Variants in NCOA1 observed in about 807,000 individuals in gnomAD.
NCOA1 encodes nuclear receptor coactivator 1, also known as Hin-2 protein.
Under a neutral mutation model 150.9 loss-of-function variants are expected in NCOA1, and 35 were observed. The ratio of observed to expected loss-of-function variants is 0.23; its 90% CI spans 0.18 to 0.31. The LOEUF (loss-of-function observed/expected upper bound fraction) is 0.31. NCOA1 is among the 10% of genes least tolerant of loss of function. The pLI, the probability that NCOA1 is intolerant of heterozygous loss-of-function variation, is 1.00. For synonymous variants in NCOA1, 590 were observed against 630.0 expected (o/e 0.94, Z 0.95); for missense variants, 1,491 against 1,749.3 (o/e 0.85, Z 2.63).
chr2:24,738,591 A>G (rs1663444246), intron 17 of NCOA1, among the ~76,000 whole-genome samples: 1 of 152,220 alleles, frequency 6.6e-6, no homozygotes, highest in African/African-American at 2.4e-5. Flanking sequence ...GATGTTAGAA[A>G]AAAAGGTTCA....
Position 24,543,387 on chromosome 2 carries a change from A to C in NCOA1, c.-395-20908A>C, listed in dbSNP as rs11692528. Among the ~76,000 whole-genome samples, 33 of 152,086 alleles carry C rather than the reference A, an allele frequency of 2.2e-4. 1 individual carries two copies. Among genetic ancestry groups the C allele is most frequent in the Non-Finnish European group, 1.0e-4 (7 of 68,012 alleles). On this transcript the variant is annotated intron_variant, in intron 1 of 22. Transcript: ENST00000348332. ...TATTTGTGAGGGATCTGCCCCCATGACCCAAACACCTTCCACCAGGCCCTG... is the reference window on the plus strand; with the variant it reads ...TATTTGTGAGGGATCTGCCCCCATGCCCCAAACACCTTCCACCAGGCCCTG...
chr2:24,574,898 C>A (rs987703535), intron 2 of NCOA1, among the ~76,000 whole-genome samples: 1 of 151,998 alleles, frequency 6.6e-6, no homozygotes, highest in African/African-American at 2.4e-5. Context: ...CCTCTTCTGG[C>A]AGTCTTTAAC....
At chr2:24,589,354 C>G (rs1667548638) in intron 3 of NCOA1, among the ~76,000 whole-genome samples, 1 of 152,196 alleles carries the variant, frequency 6.6e-6, no homozygotes, top group African/African-American at 2.4e-5. Flanking sequence ...CTGGTATTCT[C>G]TCTTCCAGGC....
intron 14 of NCOA1, among the ~76,000 whole-genome samples, chr2:24,714,290 ATAT>A (rs1230038064): frequency 1.3e-5 from 2 of 152,230 alleles, no homozygotes; most frequent in Non-Finnish European, 2.9e-5. Flanking sequence ...CAGCAGCATT[ATAT>A]TCATAATTTC....
At position 24,673,813 on chromosome 2, in the gene NCOA1, T is replaced by C. The variant is rs566300805; in HGVS notation, c.354+350T>C. Among the ~76,000 whole-genome samples the C allele has an allele frequency of 5.3e-5, 8 of 152,314 alleles. No homozygotes were observed. The South Asian group carries it at 1.7e-3, about 32-fold the overall frequency. On this transcript the variant is annotated intron_variant, in intron 7 of 22. Transcript: ENST00000348332. The stretch of plus-strand genomic sequence containing the variant: ...GCTAGTGTTATCTATATGTATACCA[T>C]AGAATTTTACTTTTGAATGAAGGAT...
chr2:24,633,144 A>G (rs891859673), intron 3 of NCOA1, among the ~76,000 whole-genome samples: 1 of 152,118 alleles, frequency 6.6e-6, no homozygotes, highest in African/African-American at 2.4e-5. Flanking sequence ...ATACATATGC[A>G]TACACACACA....
intron 2 of NCOA1, among the ~76,000 whole-genome samples, chr2:24,567,309 A>C (rs1202405753): frequency 6.6e-6 from 1 of 152,216 alleles, no homozygotes; most frequent in African/African-American, 2.4e-5. Context: ...TGATGATTAA[A>C]TATATAGTTC....
chr2:24,658,695 C>T lies in NCOA1; in HGVS notation c.18C>T (p.Asp6=). The change falls in exon 5 of 23, where the codon GAC becomes GAT. Residue 6 remains aspartate, a synonymous_variant. Coordinates refer to ENST00000348332, the MANE Select transcript of NCOA1 (RefSeq NM_003743.5). ...TTTTCAACATGAGTGGCCTCGGGGA[C>T]AGTTCATCCGACCCTGCTAACCCAG... is the stretch of plus-strand genomic sequence containing the variant. MSGLG[D]SSSDPANPDS... 1.2e-6 allele frequency: 2 copies of T among 1,614,006 alleles called. No individual in the cohort carries two copies. The highest frequency in any genetic ancestry group is 8.5e-7 in the Non-Finnish European group (1 of 1,179,948).
At chr2:24,746,972 C>A (rs1469056042) in intron 19 of NCOA1, among the ~76,000 whole-genome samples, 2 of 152,054 alleles carry the variant, frequency 1.3e-5, no homozygotes, top group East Asian at 3.9e-4. Context: ...AAAGAAAAAA[C>A]TGTAAAGTCT....
chr2:24,534,367 C>T (rs1317056656), intron 1 of NCOA1, among the ~76,000 whole-genome samples: 4 of 151,090 alleles, frequency 2.6e-5, no homozygotes, highest in Non-Finnish European at 4.4e-5. Context: ...AGAGGACTAT[C>T]AATTTTGTTG....
intron 1 of NCOA1, among the ~76,000 whole-genome samples, chr2:24,532,342 C>G (rs996063924): frequency 2.0e-5 from 3 of 151,620 alleles, no homozygotes; most frequent in Non-Finnish European, 2.9e-5. Flanking sequence ...TTTGTAGATT[C>G]TGGATATTAG....
At chr2:24,600,979 A>G (rs57371977) in intron 3 of NCOA1, among the ~76,000 whole-genome samples, 6,481 of 152,198 alleles carry the variant, frequency 0.043, 214 homozygotes, top group African/African-American at 0.093. Flanking sequence ...AGTACATGTT[A>G]TTATCTTACA....
chr2:24,762,038 T>C (rs1231254995), intron 21 of NCOA1, among the ~76,000 whole-genome samples: 1 of 152,258 alleles, frequency 6.6e-6, no homozygotes, highest in African/African-American at 2.4e-5. Flanking sequence ...CAGAGCTCTC[T>C]CTGATATTCT....
chr2:24,572,811 A>AGTT (rs1666794762), intron 2 of NCOA1, among the ~76,000 whole-genome samples: 1 of 152,194 alleles, frequency 6.6e-6, no homozygotes, highest in African/African-American at 2.4e-5. Flanking sequence ...TCCAAAGGCC[A>AGTT]GTTATTATTA....
chr2:24,520,215 C>T (rs924649747), intron 1 of NCOA1, among the ~76,000 whole-genome samples: 1 of 152,060 alleles, frequency 6.6e-6, no homozygotes, highest in Admixed American at 6.5e-5. Flanking sequence ...TAAACATATA[C>T]TTAACATGTG....
intron 2 of NCOA1, among the ~76,000 whole-genome samples, chr2:24,578,800 T>TA (rs1046191176): frequency 6.6e-6 from 1 of 151,900 alleles, no homozygotes; most frequent in Middle Eastern, 3.4e-3. Context: ...AAATAAAGAA[T>TA]AAAAAAAAGC....
chr2:24,673,369 AATC>A lies in NCOA1; in HGVS notation c.262_264del (p.Ser88del). ...TTTTTAAGTTTCTTTATTATAGAGA[AATC>A]AACAACTGATGACGATGTACAGAAA... On this transcript the variant is annotated inframe_deletion, in exon 7 of 23. Transcript: ENST00000348332. The A allele has an allele frequency of 6.4e-7, 1 of 1,555,130 alleles. No individual in the cohort carries two copies. Among genetic ancestry groups the A allele is most frequent in the Non-Finnish European group, 8.6e-7 (1 of 1,156,862 alleles).
chr2:24,589,492 A>C (rs997099165), intron 3 of NCOA1, among the ~76,000 whole-genome samples: 2 of 152,220 alleles, frequency 1.3e-5, no homozygotes, highest in Non-Finnish European at 2.9e-5. Flanking sequence ...ACCTTCTTCC[A>C]TGGCACATGA....
intron 3 of NCOA1, among the ~76,000 whole-genome samples, chr2:24,632,876 A>C (rs1335309026): frequency 1.3e-5 from 2 of 152,232 alleles, no homozygotes; most frequent in Non-Finnish European, 2.9e-5. Context: ...GAGCCTGGAC[A>C]GATTGCCTTG....
Sources: allele counts gnomAD v4.1 joint callset (sites outside exome capture counted in the v4.1 genomes callset), GRCh38; gene constraint gnomAD v4.1.1; transcripts MANE v1.5; gene names NCBI Gene and HGNC (gene_info 2026-07-23, HGNC 2026-07-21).